The following NCOA1 variants were observed in gnomAD, a reference collection of about 807,000 sequenced individuals.
The protein encoded by NCOA1 is nuclear receptor coactivator 1, also known as Hin-2 protein.
In NCOA1, 35 loss-of-function variants were observed where a neutral mutation model predicts 150.9. The observed-to-expected ratio is 0.23, with a 90% CI of 0.18 to 0.31. The LOEUF is 0.31. NCOA1 is among the 10% of genes least tolerant of loss of function. The pLI, the probability that NCOA1 is intolerant of heterozygous loss-of-function variation, is 1.00. For synonymous variants in NCOA1, 590 were observed against 630.0 expected, an observed-to-expected ratio of 0.94 and a Z score of 0.95; for missense variants, 1,491 against 1,749.3, an observed-to-expected ratio of 0.85 and a Z score of 2.63.
chr2:24,724,834 G>A (rs1297133093), intron 14 of NCOA1, among the ~76,000 whole-genome samples: 1 of 151,998 alleles, frequency 6.6e-6, no homozygotes, highest in Non-Finnish European at 1.5e-5. Flanking sequence ...CAGAGCCAAT[G>A]GGACAGTTTT....
At chr2:24,654,075 G>A (rs1365134739) in intron 4 of NCOA1, among the ~76,000 whole-genome samples, 1 of 151,988 alleles carries the variant, frequency 6.6e-6, no homozygotes, top group African/African-American at 2.4e-5. Context: ...TCTTATTTAT[G>A]CTTCTGTGAA....
At chr2:24,571,975 A>T (rs1007428008) in intron 2 of NCOA1, among the ~76,000 whole-genome samples, 1 of 152,114 alleles carries the variant, frequency 6.6e-6, no homozygotes, top group African/African-American at 2.4e-5. Flanking sequence ...CTTAGATAAA[A>T]TTACTCCTTC....
intron 3 of NCOA1, among the ~76,000 whole-genome samples, chr2:24,593,280 A>G (rs1667735257): frequency 6.6e-6 from 1 of 152,108 alleles, no homozygotes; most frequent in African/African-American, 2.4e-5. Flanking sequence ...CCTCATTGAG[A>G]TAGACTGGAT....
At chr2:24,552,797 T>G (rs1665915899) in intron 1 of NCOA1, among the ~76,000 whole-genome samples, 1 of 152,250 alleles carries the variant, frequency 6.6e-6, no homozygotes, top group Non-Finnish European at 1.5e-5. Context: ...AGAAGTACAA[T>G]GTAATTTTGT....
chr2:24,756,509 T>C (rs1217297545), intron 20 of NCOA1, among the ~76,000 whole-genome samples: 4 of 152,200 alleles, frequency 2.6e-5, no homozygotes, highest in African/African-American at 9.7e-5. Flanking sequence ...TACCTTAGTC[T>C]ACTGGAAACT....
At position 24,685,051 on chromosome 2, in the gene NCOA1, G is replaced by A. The variant is rs369244832; in HGVS notation, c.532+1923G>A. 1.8e-4 allele frequency among the ~76,000 whole-genome samples: 28 copies of A among 151,892 alleles called. 1 individual carries two copies. Among genetic ancestry groups the A allele is most frequent in the Admixed American group, 1.3e-3 (20 of 15,272 alleles). ...GGGAAAAAAATCAAATCAAGATTCA[G>A]AACCTATCAAGAAAGAAATTTGAAG... On this transcript the variant is annotated intron_variant, in intron 8 of 22. Coordinates refer to ENST00000348332, the MANE Select transcript of NCOA1 (RefSeq NM_003743.5).
At chr2:24,642,327 A>G (rs1017838635) in intron 3 of NCOA1, among the ~76,000 whole-genome samples, 1 of 148,284 alleles carries the variant, frequency 6.7e-6, no homozygotes, top group African/African-American at 2.5e-5. Context: ...AAATATATAT[A>G]TATATATATT....
intron 3 of NCOA1, among the ~76,000 whole-genome samples, chr2:24,605,204 A>G (rs1438781878): frequency 6.6e-6 from 1 of 152,214 alleles, no homozygotes; most frequent in African/African-American, 2.4e-5. Flanking sequence ...GTTTTCCAAA[A>G]TGTGACACAG....
At chr2:24,514,403 C>T (rs567891957) in intron 1 of NCOA1, among the ~76,000 whole-genome samples, 18 of 151,466 alleles carry the variant, frequency 1.2e-4, no homozygotes, top group African/African-American at 4.8e-5. Context: ...ATATATTACT[C>T]GATTAAGCTC....
intron 4 of NCOA1, among the ~76,000 whole-genome samples, chr2:24,656,007 G>A (rs556914135): frequency 3.4e-5 from 5 of 149,136 alleles, no homozygotes; most frequent in African/African-American, 5.0e-5. Flanking sequence ...AGAATGGCGT[G>A]AACCCGGGAG....
intron 2 of NCOA1, 109 bp downstream of exon 2, chr2:24,564,539 G>C (rs1250011883): frequency 2.0e-5 from 3 of 152,206 alleles, no homozygotes; most frequent in Admixed American, 2.0e-4. Context: ...ATGTTAGAAT[G>C]CTTAGCTCTT....
At chr2:24,492,128 G>A (rs1558737917) in intron 1 of NCOA1, 1 of 152,178 alleles carries the variant, frequency 6.6e-6, no homozygotes. Context: ...AGCCCTCGAC[G>A]GCGCTTGGGT....
chr2:24,732,473 C>T (rs1003116514), intron 17 of NCOA1, among the ~76,000 whole-genome samples: 1 of 152,206 alleles, frequency 6.6e-6, no homozygotes, highest in African/African-American at 2.4e-5. Flanking sequence ...TAAGTTCTTA[C>T]TGTTTCAGCA....
chr2:24,542,759 A>G (rs948162826), intron 1 of NCOA1, among the ~76,000 whole-genome samples: 2 of 152,228 alleles, frequency 1.3e-5, no homozygotes, highest in Non-Finnish European at 2.9e-5. Context: ...ATTTCCAGAC[A>G]GACAAGGTTT....
chr2:24,685,086 G>A (rs889538531), intron 8 of NCOA1, among the ~76,000 whole-genome samples: 2 of 151,706 alleles, frequency 1.3e-5, no homozygotes, highest in African/African-American at 4.8e-5. Flanking sequence ...GAAAAATTTA[G>A]GATCATTATT....
At chr2:24,690,390 C>A (rs1672606819) in intron 8 of NCOA1, among the ~76,000 whole-genome samples, 1 of 151,912 alleles carries the variant, frequency 6.6e-6, no homozygotes, top group Non-Finnish European at 1.5e-5. Context: ...CGTGGTGGCT[C>A]ACACCTGTAA....
At position 24,548,730 on chromosome 2, in the gene NCOA1, C is replaced by G. The variant is rs759192365; in HGVS notation, c.-395-15565C>G. 1.4e-3 allele frequency among the ~76,000 whole-genome samples: 215 copies of G among 152,218 alleles called. 2 individuals carry two copies. Among genetic ancestry groups the G allele is most frequent in the Non-Finnish European group, 1.9e-3 (131 of 68,036 alleles). On this transcript the variant is annotated intron_variant, in intron 1 of 22. Transcript: ENST00000348332. ...CAACCAAGTCCAAAATCCAGCAGGGCAGTCAAATCTTAAAGCTTCAAAATG... is the reference window on the plus strand; with the variant it reads ...CAACCAAGTCCAAAATCCAGCAGGGGAGTCAAATCTTAAAGCTTCAAAATG...
chr2:24,623,610 A>G (rs925745585), intron 3 of NCOA1, among the ~76,000 whole-genome samples: 1 of 152,216 alleles, frequency 6.6e-6, no homozygotes, highest in African/African-American at 2.4e-5. Flanking sequence ...TTGGACTGCC[A>G]TAGCAGAATA....
intron 3 of NCOA1, among the ~76,000 whole-genome samples, chr2:24,616,689 C>T (rs1270954302): frequency 1.3e-5 from 2 of 152,130 alleles, no homozygotes; most frequent in Non-Finnish European, 2.9e-5. Flanking sequence ...CTGTATGACA[C>T]CTACCTAGAA....
Sources: gnomAD v4.1 joint callset for allele counts (sites outside exome capture counted in the v4.1 genomes callset) on GRCh38, gnomAD v4.1.1 for gene constraint, MANE v1.5 for transcripts, NCBI Gene and HGNC (gene_info 2026-07-23, HGNC 2026-07-21) for gene names.